The following TSPAN5 variants were observed in gnomAD, a reference collection of about 807,000 sequenced individuals.
TSPAN5 encodes tetraspanin-5.
Under a neutral mutation model 37.1 loss-of-function variants are expected in TSPAN5, and 10 were observed. The ratio of observed to expected loss-of-function variants is 0.27; its 90% CI spans 0.17 to 0.46. The LOEUF is 0.46. Ranked by LOEUF, TSPAN5 falls within the 20% of genes least tolerant of loss-of-function variation. TSPAN5 has a pLI of 1.00. For missense variants in TSPAN5, 195 were observed against 326.6 expected (o/e 0.60, Z 3.11); for synonymous variants, 110 against 118.9 (o/e 0.93, Z 0.48).
intron 1 of TSPAN5, among the ~76,000 whole-genome samples, chr4:98,535,441 CTT>C: frequency 6.6e-6 from 1 of 152,270 alleles, no homozygotes; most frequent in African/African-American, 2.4e-5. Context: ...GTAACCTGAC[CTT>C]TCTCTATGGC....
chr4:98,513,489 A>G (rs889785168), intron 1 of TSPAN5, among the ~76,000 whole-genome samples: 1 of 152,166 alleles, frequency 6.6e-6, no homozygotes, highest in African/African-American at 2.4e-5. Flanking sequence ...CTGGGCTGAA[A>G]TACGGTGAAA....
chr4:98,520,675 C>G (rs968443586), intron 1 of TSPAN5, among the ~76,000 whole-genome samples: 1 of 152,184 alleles, frequency 6.6e-6, no homozygotes, highest in Non-Finnish European at 1.5e-5. Context: ...TGCAATGTCA[C>G]AAGACTGTGA....
chr4:98,621,026 G>A (rs1283874297), intron 1 of TSPAN5, among the ~76,000 whole-genome samples: 3 of 152,150 alleles, frequency 2.0e-5, no homozygotes, highest in African/African-American at 7.2e-5. Flanking sequence ...TTAAGAGGTC[G>A]TTCAGGGTAG....
At chr4:98,616,659 T>C (rs1414188805) in intron 1 of TSPAN5, among the ~76,000 whole-genome samples, 3 of 152,158 alleles carry the variant, frequency 2.0e-5, no homozygotes, top group Admixed American at 1.3e-4. Flanking sequence ...GAGCCTCTAG[T>C]GCCACTGTAA....
At chr4:98,529,169 G>T (rs1754025584) in intron 1 of TSPAN5, among the ~76,000 whole-genome samples, 1 of 152,214 alleles carries the variant, frequency 6.6e-6, no homozygotes, top group South Asian at 2.1e-4. Context: ...ATGCAGGTCT[G>T]CCCTTACATC....
At chr4:98,517,283 T>G (rs1404402007) in intron 1 of TSPAN5, among the ~76,000 whole-genome samples, 1 of 152,096 alleles carries the variant, frequency 6.6e-6, no homozygotes, top group Non-Finnish European at 1.5e-5. Context: ...AATATATAAT[T>G]CAGCCACACA....
chr4:98,641,579 C>T (rs892945802), intron 1 of TSPAN5, among the ~76,000 whole-genome samples: 2 of 152,156 alleles, frequency 1.3e-5, no homozygotes, highest in South Asian at 2.1e-4. Context: ...AAAACGACTG[C>T]GCCAAAACCA....
chr4:98,564,183 T>C (rs1754944962), intron 1 of TSPAN5, among the ~76,000 whole-genome samples: 1 of 152,222 alleles, frequency 6.6e-6, no homozygotes, highest in Admixed American at 6.5e-5. Flanking sequence ...CCAAATTACA[T>C]GAAAGCCAAT....
At chr4:98,513,821 A>G (rs1392874026) in intron 1 of TSPAN5, among the ~76,000 whole-genome samples, 1 of 152,124 alleles carries the variant, frequency 6.6e-6, no homozygotes, top group Non-Finnish European at 1.5e-5. Context: ...AAATATACAT[A>G]TATTTCCAAC....
intron 1 of TSPAN5, among the ~76,000 whole-genome samples, chr4:98,544,957 C>T (rs1011725667): frequency 2.0e-5 from 3 of 152,190 alleles, no homozygotes; most frequent in Non-Finnish European, 2.9e-5. Context: ...CCCCATGGAG[C>T]AGCCCTCCTC....
At chr4:98,503,191 G>A (rs1328885762) in intron 2 of TSPAN5, among the ~76,000 whole-genome samples, 3 of 151,992 alleles carry the variant, frequency 2.0e-5, no homozygotes, top group African/African-American at 7.3e-5. Flanking sequence ...AACCAGTTGG[G>A]TCTGCAACCT....
intron 3 of TSPAN5, 165 bp downstream of exon 3, chr4:98,486,573 T>C: frequency 1.5e-6 from 1 of 686,010 alleles, no homozygotes. Context: ...GAGGCACAAC[T>C]GGGAATCAGG....
At chr4:98,584,485 T>C (rs961963487) in intron 1 of TSPAN5, among the ~76,000 whole-genome samples, 11 of 152,214 alleles carry the variant, frequency 7.2e-5, no homozygotes, top group African/African-American at 2.7e-4. Flanking sequence ...ACACTGTCAG[T>C]GCTTGAGTCA....
chr4:98,500,999 G>A (rs1487479794), intron 2 of TSPAN5, among the ~76,000 whole-genome samples: 1 of 152,074 alleles, frequency 6.6e-6, no homozygotes, highest in Non-Finnish European at 1.5e-5. Context: ...GTCCTCCCTC[G>A]CCCCAATACC....
intron 1 of TSPAN5, among the ~76,000 whole-genome samples, chr4:98,612,289 G>A (rs1053008177): frequency 1.3e-5 from 2 of 152,144 alleles, no homozygotes; most frequent in African/African-American, 4.8e-5. Flanking sequence ...CAAGTTCCAA[G>A]CAATACAAAA....
intron 1 of TSPAN5, among the ~76,000 whole-genome samples, chr4:98,511,237 C>T (rs548083251): frequency 3.3e-5 from 5 of 152,234 alleles, no homozygotes; most frequent in East Asian, 3.9e-4. Flanking sequence ...ATAATTTTGC[C>T]GGCATTTGTT....
chr4:98,518,509 CAGGGGTCAGAGGAAGCTTCCT>C (rs1160947332), intron 1 of TSPAN5, among the ~76,000 whole-genome samples: 3 of 152,174 alleles, frequency 2.0e-5, no homozygotes, highest in African/African-American at 4.8e-5. Flanking sequence ...GAGATCACTG[CAGGGGTCAGAGGAAGCTTCCT>C]AGGAAGTGAC....
At chr4:98,559,084 T>C (rs1434453879) in intron 1 of TSPAN5, among the ~76,000 whole-genome samples, 1 of 152,162 alleles carries the variant, frequency 6.6e-6, no homozygotes, top group African/African-American at 2.4e-5. Context: ...TTCCCTTCCA[T>C]GAATATAATG....
At chr4:98,514,259 C>T (rs1269045303) in intron 1 of TSPAN5, among the ~76,000 whole-genome samples, 2 of 152,166 alleles carry the variant, frequency 1.3e-5, no homozygotes, top group African/African-American at 2.4e-5. Context: ...GTTGTATTTT[C>T]CTGAAGCTGC....
Sources: allele counts gnomAD v4.1 joint callset (sites outside exome capture counted in the v4.1 genomes callset), GRCh38; gene constraint gnomAD v4.1.1; transcripts MANE v1.5; gene names NCBI Gene and HGNC (gene_info 2026-07-23, HGNC 2026-07-21).